DAB1: variants seen among roughly 807,000 people sequenced by gnomAD.
DAB1 encodes disabled homolog 1.
Under a neutral mutation model 64.6 loss-of-function variants are expected in DAB1, and 15 were observed. The observed-to-expected ratio is 0.23, with a 90% CI of 0.16 to 0.36. The LOEUF is 0.36. Ranked by LOEUF, DAB1 falls within the 10% of genes least tolerant of loss-of-function variation. The pLI is 1.00. For synonymous variants in DAB1, 235 were observed against 251.9 expected (o/e 0.93, Z 0.64); for missense variants, 596 against 706.7 (o/e 0.84, Z 1.78).
chr1:57,057,736 C>T (rs995306944), intron 9 of DAB1, among the ~76,000 whole-genome samples: 12 of 151,610 alleles, frequency 7.9e-5, no homozygotes, highest in South Asian at 4.2e-4. Flanking sequence ...GCCTCCCAAG[C>T]AGCTGGGACT....
At chr1:57,443,963 C>T (rs562600704) in intron 7 of DAB1, among the ~76,000 whole-genome samples, 3 of 152,348 alleles carry the variant, frequency 2.0e-5, no homozygotes, top group African/African-American at 7.2e-5. Flanking sequence ...CTCCTCACTG[C>T]ACTTGGGTTT....
intron 6 of DAB1, among the ~76,000 whole-genome samples, chr1:57,677,459 G>A (rs1164873066): frequency 1.3e-5 from 2 of 152,054 alleles, no homozygotes; most frequent in Non-Finnish European, 2.9e-5. Context: ...TCTGAACCTG[G>A]GTCTGTGTGA....
chr1:57,341,544 T>G (rs888440544), intron 1 of DAB1, among the ~76,000 whole-genome samples: 4 of 152,190 alleles, frequency 2.6e-5, no homozygotes, highest in African/African-American at 7.2e-5. Context: ...TGAATTTGGG[T>G]TTTTATTCAA....
chr1:58,270,368 T>C (rs1255987752), intron 4 of DAB1, among the ~76,000 whole-genome samples: 1 of 142,614 alleles, frequency 7.0e-6, no homozygotes, highest in Non-Finnish European at 1.5e-5. Context: ...CTCTGTTCTG[T>C]TCCATTGATC....
chr1:57,175,888 G>C lies in DAB1; in HGVS notation c.68-30459C>G, dbSNP rs916678713. On this transcript the variant is annotated intron_variant, in intron 2 of 14. Coordinates refer to ENST00000371236, the MANE Select transcript of DAB1 (RefSeq NM_001365792.1). ...TACTTCCAGGCTGATATTCTGAGTA[G>C]ACTGGATTTTCCCGTTTGATTTTTT... 1.1e-4 allele frequency among the ~76,000 whole-genome samples: 17 copies of C among 152,298 alleles called. 1 individual carries two copies. The highest frequency in any genetic ancestry group is 4.1e-4 in the African/African-American group (17 of 41,568).
At chr1:58,486,319 T>C (rs1336577369) in intron 3 of DAB1, among the ~76,000 whole-genome samples, 1 of 152,186 alleles carries the variant, frequency 6.6e-6, no homozygotes, top group East Asian at 1.9e-4. Flanking sequence ...TTTCTCCAAG[T>C]TACATGGCTG....
intron 3 of DAB1, among the ~76,000 whole-genome samples, chr1:58,467,515 G>A (rs1645308456): frequency 6.6e-6 from 1 of 152,228 alleles, no homozygotes; most frequent in Admixed American, 6.5e-5. Flanking sequence ...GAGTAGATGA[G>A]AGTCTTCTTT....
At chr1:57,192,333 A>T (rs895934578) in intron 2 of DAB1, among the ~76,000 whole-genome samples, 2 of 152,068 alleles carry the variant, frequency 1.3e-5, no homozygotes, top group South Asian at 4.2e-4. Flanking sequence ...AAGCGGAAAA[A>T]AAAAAAAAAA....
intron 3 of DAB1, among the ~76,000 whole-genome samples, chr1:58,351,430 C>G (rs1478815039): frequency 6.6e-6 from 1 of 152,004 alleles, no homozygotes; most frequent in African/African-American, 2.4e-5. Context: ...TAGATTTTGA[C>G]CATAAGATTC....
At chr1:57,618,433 A>C in intron 7 of DAB1, among the ~76,000 whole-genome samples, 1 of 146,066 alleles carries the variant, frequency 6.8e-6, no homozygotes. Context: ...AAAAAAAAGC[A>C]GCAGCAGCAG....
chr1:57,367,109 AAAATAAAAT>A (rs869101619), intron 1 of DAB1, among the ~76,000 whole-genome samples: 1 of 131,756 alleles, frequency 7.6e-6, no homozygotes, highest in Non-Finnish European at 1.6e-5. Flanking sequence ...AAAATAAAAT[AAAATAAAAT>A]AAATAAATTA....
At chr1:57,928,262 G>C (rs1290077640) in intron 5 of DAB1, among the ~76,000 whole-genome samples, 1 of 151,702 alleles carries the variant, frequency 6.6e-6, no homozygotes, top group Non-Finnish European at 1.5e-5. Context: ...CCCCCGAGAG[G>C]CAACCACTAT....
At chr1:57,993,267 A>G (rs903826227) in intron 5 of DAB1, among the ~76,000 whole-genome samples, 15 of 152,082 alleles carry the variant, frequency 9.9e-5, no homozygotes, top group Middle Eastern at 3.2e-3. Context: ...AGATAATTCA[A>G]TTTGTCACTC....
At chr1:57,679,288 A>G (rs1480816228) in intron 6 of DAB1, among the ~76,000 whole-genome samples, 1 of 152,174 alleles carries the variant, frequency 6.6e-6, no homozygotes, top group East Asian at 1.9e-4. Flanking sequence ...AGATAAAGAA[A>G]CTAAGATTCC....
intron 5 of DAB1, among the ~76,000 whole-genome samples, chr1:58,043,362 A>G (rs919877689): frequency 6.6e-6 from 1 of 152,202 alleles, no homozygotes; most frequent in South Asian, 2.1e-4. Context: ...TGGATAATAT[A>G]TTTCTTTCAC....
intron 6 of DAB1, among the ~76,000 whole-genome samples, chr1:57,744,438 C>CA (rs61701604): frequency 0.11 from 13,247 of 118,050 alleles, 1,327 homozygotes; most frequent in African/African-American, 0.29. Context: ...AACTCTGTCT[C>CA]AAAAAAAAAA....
intron 1 of DAB1, among the ~76,000 whole-genome samples, chr1:57,834,889 A>T (rs879550604): frequency 3.3e-5 from 5 of 152,152 alleles, no homozygotes; most frequent in Non-Finnish European, 7.4e-5. Context: ...AGGGAACAGG[A>T]TAACCCAGGC....
intron 7 of DAB1, among the ~76,000 whole-genome samples, chr1:57,591,893 G>A (rs149376230): frequency 8.5e-5 from 13 of 152,220 alleles, no homozygotes; most frequent in African/African-American, 3.1e-4. Context: ...AGAGAATCCT[G>A]GGAAGGAAGA....
intron 4 of DAB1, chr1:58,343,266 T>TGGATGGATGGATGGATGGAA (rs1435042045): frequency 1.2e-4 from 18 of 149,728 alleles, no homozygotes; most frequent in African/African-American, 4.4e-4. Context: ...GATGGATGGA[T>TGGATGGATGGATGGATGGAA]GGATGGATGG....
Sources: allele counts gnomAD v4.1 joint callset (sites outside exome capture counted in the v4.1 genomes callset), GRCh38; gene constraint gnomAD v4.1.1; transcripts MANE v1.5; gene names NCBI Gene and HGNC (gene_info 2026-07-23, HGNC 2026-07-21).